Variants in RABGAP1L observed in about 807,000 individuals in gnomAD.
The protein encoded by RABGAP1L is rab GTPase-activating protein 1-like.
Under a neutral mutation model 137.7 loss-of-function variants are expected in RABGAP1L, and 63 were observed. The ratio of observed to expected loss-of-function variants is 0.46; its 90% CI spans 0.37 to 0.56. The LOEUF (loss-of-function observed/expected upper bound fraction) is 0.56, where lower values mean the gene tolerates loss of function less well. RABGAP1L is among the 20% of genes least tolerant of loss of function. RABGAP1L has a pLI of 0.00. For synonymous variants in RABGAP1L, 431 were observed against 433.7 expected (o/e 0.99, Z 0.08); for missense variants, 1,095 against 1,244.0 (o/e 0.88, Z 1.80).
chr1:174,372,324 T>A (rs1685171747), intron 12 of RABGAP1L, among the ~76,000 whole-genome samples: 1 of 150,858 alleles, frequency 6.6e-6, no homozygotes, highest in African/African-American at 2.4e-5. Flanking sequence ...GGCACAGGAG[T>A]TTTTAGCAGG....
intron 9 of RABGAP1L, among the ~76,000 whole-genome samples, chr1:174,278,234 C>G (rs1292597698): frequency 6.6e-6 from 1 of 152,024 alleles, no homozygotes; most frequent in East Asian, 1.9e-4. Context: ...GAAACCCCGT[C>G]TGTAGTAAAA....
chr1:174,307,059 T>G (rs1023075723), intron 11 of RABGAP1L, among the ~76,000 whole-genome samples: 1 of 151,904 alleles, frequency 6.6e-6, no homozygotes, highest in Admixed American at 6.6e-5. Context: ...ATTTCAAATA[T>G]GTTAACTTAT....
chr1:174,645,517 G>T (rs143790036), intron 14 of RABGAP1L, among the ~76,000 whole-genome samples: 19 of 151,896 alleles, frequency 1.3e-4, no homozygotes, highest in Middle Eastern at 3.4e-3. Context: ...ATGGTTTCCA[G>T]CTTCATCCAT....
chr1:174,829,059 A>G (rs934869326), intron 19 of RABGAP1L, among the ~76,000 whole-genome samples: 1 of 147,926 alleles, frequency 6.8e-6, no homozygotes, highest in Non-Finnish European at 1.5e-5. Flanking sequence ...CAACCAAGAT[A>G]GTCATTATGA....
chr1:174,357,094 A>T (rs1420438341), intron 11 of RABGAP1L, among the ~76,000 whole-genome samples: 1 of 152,108 alleles, frequency 6.6e-6, no homozygotes, highest in Non-Finnish European at 1.5e-5. Flanking sequence ...AAGGGAGTTG[A>T]AGTTAGGCAT....
At chr1:174,707,209 G>GGTTTTGTTTT (rs1183206921) in intron 17 of RABGAP1L, among the ~76,000 whole-genome samples, 1 of 123,708 alleles carries the variant, frequency 8.1e-6, no homozygotes, top group Non-Finnish European at 1.7e-5. Context: ...TCAAGGGCAA[G>GGTTTTGTTTT]GTTTTGTTCT....
chr1:174,394,657 A>G (rs982066635), intron 13 of RABGAP1L, among the ~76,000 whole-genome samples: 4 of 152,148 alleles, frequency 2.6e-5, no homozygotes, highest in South Asian at 2.1e-4. Context: ...AGCATAAGTA[A>G]AGGTAGGTGT....
At chr1:174,311,862 C>G (rs1395434874) in intron 11 of RABGAP1L, among the ~76,000 whole-genome samples, 1 of 152,218 alleles carries the variant, frequency 6.6e-6, no homozygotes, top group Non-Finnish European at 1.5e-5. Flanking sequence ...CCACCTTGGC[C>G]TCTCAAAGTG....
chr1:174,427,875 A>G (rs191738242), intron 13 of RABGAP1L, among the ~76,000 whole-genome samples: 109 of 152,330 alleles, frequency 7.2e-4, no homozygotes, highest in Non-Finnish European at 9.6e-4. Context: ...GGATAACAGC[A>G]ATGAAATATG....
intron 13 of RABGAP1L, among the ~76,000 whole-genome samples, chr1:174,451,489 A>T (rs1270802481): frequency 6.6e-6 from 1 of 152,182 alleles, no homozygotes; most frequent in East Asian, 1.9e-4. Context: ...CTTTTGAGAT[A>T]ATAGTTATTA....
intron 18 of RABGAP1L, among the ~76,000 whole-genome samples, chr1:174,801,573 C>T (rs1489900806): frequency 6.6e-6 from 1 of 152,100 alleles, no homozygotes; most frequent in Admixed American, 6.5e-5. Flanking sequence ...TTTGTCATTC[C>T]AAAACAAAGT....
At chr1:174,808,929 A>G (rs1689603672) in intron 18 of RABGAP1L, among the ~76,000 whole-genome samples, 1 of 152,060 alleles carries the variant, frequency 6.6e-6, no homozygotes, top group Non-Finnish European at 1.5e-5. Context: ...AGTACTGGGA[A>G]TACAGGTATG....
At chr1:174,667,327 G>A (rs1233226814) in intron 14 of RABGAP1L, among the ~76,000 whole-genome samples, 1 of 152,070 alleles carries the variant, frequency 6.6e-6, no homozygotes, top group Non-Finnish European at 1.5e-5. Context: ...TATCTAAGAA[G>A]CATAATTCAA....
intron 19 of RABGAP1L, among the ~76,000 whole-genome samples, chr1:174,860,055 A>G (rs1467142178): frequency 2.0e-5 from 3 of 149,986 alleles, no homozygotes; most frequent in Non-Finnish European, 4.4e-5. Context: ...GCATGATTAC[A>G]TGATCACAAT....
At chr1:174,603,594 C>G (rs995386420) in intron 13 of RABGAP1L, among the ~76,000 whole-genome samples, 5 of 152,112 alleles carry the variant, frequency 3.3e-5, no homozygotes, top group African/African-American at 1.2e-4. Context: ...AAAGTCTTTC[C>G]CACTCTTTTC....
chr1:174,867,817 G>A (rs1323797491), intron 19 of RABGAP1L, among the ~76,000 whole-genome samples: 1 of 152,090 alleles, frequency 6.6e-6, no homozygotes, highest in Non-Finnish European at 1.5e-5. Context: ...ACTAATTTTT[G>A]TATTTTTAGT....
intron 11 of RABGAP1L, among the ~76,000 whole-genome samples, chr1:174,339,612 AT>A (rs200221267): frequency 0.092 from 13,668 of 148,348 alleles, 820 homozygotes; most frequent in East Asian, 0.22. Flanking sequence ...ATTTTATCTA[AT>A]TTTTTTTTTT....
chr1:174,458,054 A>G (rs1342930903), intron 13 of RABGAP1L, among the ~76,000 whole-genome samples: 1 of 152,120 alleles, frequency 6.6e-6, no homozygotes, highest in Non-Finnish European at 1.5e-5. Flanking sequence ...GAGATTTCTA[A>G]GTAAAACAGA....
intron 23 of RABGAP1L, among the ~76,000 whole-genome samples, chr1:174,982,388 ACTT>A (rs1390008161): frequency 2.0e-5 from 3 of 152,160 alleles, no homozygotes; most frequent in African/African-American, 4.8e-5. Flanking sequence ...TCACTCTGCC[ACTT>A]CTTAAGGAAA....
Sources: gnomAD v4.1 joint callset for allele counts (sites outside exome capture counted in the v4.1 genomes callset) on GRCh38, gnomAD v4.1.1 for gene constraint, MANE v1.5 for transcripts, NCBI Gene and HGNC (gene_info 2026-07-23, HGNC 2026-07-21) for gene names.